RIMS1: variants seen among roughly 807,000 people sequenced by gnomAD.
RIMS1 encodes regulating synaptic membrane exocytosis protein 1.
RIMS1 carries 83 observed loss-of-function variants against 214.1 expected under a neutral mutation model. That is an observed-to-expected ratio of 0.39 (90% CI 0.32 to 0.47). The LOEUF is 0.47. RIMS1 is among the 20% of genes least tolerant of loss of function. The pLI is 0.99. For missense variants in RIMS1, 2,050 were observed against 2,161.8 expected (o/e 0.95, Z 1.03); for synonymous variants, 793 against 786.8 (o/e 1.01, Z -0.13).
chr6:72,392,190 T>C (rs2098713379), intron 30 of RIMS1, among the ~76,000 whole-genome samples: 2 of 152,342 alleles, frequency 1.3e-5, no homozygotes, highest in East Asian at 3.9e-4. Flanking sequence ...GAAATACAGA[T>C]TTTTTAACCA....
At chr6:72,191,418 A>G (rs905697854) in intron 6 of RIMS1, among the ~76,000 whole-genome samples, 5 of 152,224 alleles carry the variant, frequency 3.3e-5, no homozygotes, top group African/African-American at 1.2e-4. Context: ...CCTCTGGCAT[A>G]CAAATGTTTC....
intron 4 of RIMS1, among the ~76,000 whole-genome samples, chr6:72,150,639 G>A (rs2043418594): frequency 6.6e-6 from 1 of 152,216 alleles, no homozygotes; most frequent in South Asian, 2.1e-4. Flanking sequence ...CACCTTACAT[G>A]TGATCTAATG....
At chr6:72,120,022 A>G (rs924898257) in intron 4 of RIMS1, among the ~76,000 whole-genome samples, 1 of 151,858 alleles carries the variant, frequency 6.6e-6, no homozygotes, top group Non-Finnish European at 1.5e-5. Flanking sequence ...CATGATGTAT[A>G]TGGGCCACAT....
chr6:72,327,990 T>A (rs2096536638), intron 28 of RIMS1, among the ~76,000 whole-genome samples: 1 of 151,840 alleles, frequency 6.6e-6, no homozygotes, highest in Non-Finnish European at 1.5e-5. Context: ...CATTCTACTA[T>A]AAAGACACAT....
Position 72,233,817 on chromosome 6 carries a change from C to A in RIMS1, c.1723C>A (p.Arg575=), listed in dbSNP as rs767118962. The A allele has an allele frequency of 1.3e-6, 2 of 1,581,368 alleles. No homozygotes were observed. Among genetic ancestry groups the A allele is most frequent in the South Asian group, 2.3e-5 (2 of 86,598 alleles). ...GTTGGATCCTGCCACGTGGCACAGC[C>A]GGGAGACATCACCTATTAGTTCGGT... The part of the protein sequence containing the change: ...YWLDPATWHS[R]ETSPISSHPV... The change falls in exon 7 of 34, where the codon CGG becomes AGG. Residue 575 remains arginine, a synonymous_variant. Transcript: ENST00000521978.
intron 2 of RIMS1, among the ~76,000 whole-genome samples, chr6:72,014,953 T>G (rs1812195503): frequency 1.3e-5 from 2 of 152,346 alleles, no homozygotes; most frequent in Non-Finnish European, 2.9e-5. Context: ...CTCTTTTTAT[T>G]ATTGTATTAT....
rs191697706 is a variant in RIMS1 at position 72,348,555 on chromosome 6, G to A, written c.4366+14720G>A. ...TAAATATTAACTCTTTTATAAGCAAGAATAAATAATTATCATTTTAAGATT... is the reference window on the plus strand; with the variant it reads ...TAAATATTAACTCTTTTATAAGCAAAAATAAATAATTATCATTTTAAGATT... On this transcript the variant is annotated intron_variant, in intron 29 of 33. Transcript: ENST00000521978. Among the ~76,000 whole-genome samples the A allele has an allele frequency of 6.9e-3, 1,051 of 151,964 alleles. 4 individuals are homozygous for A. The highest frequency in any genetic ancestry group is 0.031 in the Middle Eastern group (9 of 294).
chr6:72,271,286 AATATATATAT>A (rs1222564699), intron 22 of RIMS1, among the ~76,000 whole-genome samples: 799 of 43,592 alleles, frequency 0.018, 13 homozygotes, highest in East Asian at 0.09. Context: ...AAAAAAAAAA[AATATATATAT>A]ATATATATAT....
rs1413372670 is a variant in RIMS1, at chr6:72,313,626, A to G, written c.4084A>G (p.Thr1362Ala). 1.9e-6 allele frequency: 3 copies of G among 1,613,574 alleles called. No individual in the cohort carries two copies. Among genetic ancestry groups the G allele is most frequent in the Non-Finnish European group, 2.5e-6 (3 of 1,179,676 alleles). Reference sequence around the variant, plus strand: ...CAGCAGTGCCTCACGCCTCAGCAGCACAAGCTTTATGTCAGAGCAATCTGA... The same window carrying G: ...CAGCAGTGCCTCACGCCTCAGCAGCGCAAGCTTTATGTCAGAGCAATCTGA... The part of the protein sequence containing the change: ...RTSSASRLSS[T>A]SFMSEQSERP... The change falls in exon 28 of 34, where the codon ACA becomes GCA. Residue 1362 changes from threonine (T) to alanine (A), a missense_variant. By Grantham distance (58) the Thr-to-Ala change is moderately conservative (BLOSUM62 0). Transcript: ENST00000521978.
intron 4 of RIMS1, among the ~76,000 whole-genome samples, chr6:72,101,655 A>G (rs539003808): frequency 6.6e-6 from 1 of 152,070 alleles, no homozygotes; most frequent in African/African-American, 2.4e-5. Flanking sequence ...CTTCATCTTG[A>G]TCAATATAAT....
intron 6 of RIMS1, among the ~76,000 whole-genome samples, chr6:72,183,866 T>C (rs1239665861): frequency 6.6e-6 from 1 of 152,178 alleles, no homozygotes; most frequent in Non-Finnish European, 1.5e-5. Context: ...TGTACATGAA[T>C]CTATTATAAA....
Position 72,182,824 on chromosome 6 carries a change from G to T in RIMS1, c.1353G>T (p.Ala451=), listed in dbSNP as rs753920737. ...AKQLTNHSPP[A]PRHGPVPAEA... ...AGCTAACGAACCACAGCCCGCCGGC[G>T]CCCAGACATGGGCCGGTTCCCGCAG... The change falls in exon 6 of 34, where the codon GCG becomes GCT. Residue 451 remains alanine (A), a synonymous_variant. Coordinates refer to ENST00000521978, the MANE Select transcript of RIMS1 (RefSeq NM_014989.7). 6.4e-7 allele frequency: 1 copy of T among 1,550,514 alleles called. No individual in the cohort carries two copies. The highest frequency in any genetic ancestry group is 1.9e-5 in the Admixed American group (1 of 51,438).
At chr6:71,984,858 A>C (rs1337720207) in intron 2 of RIMS1, among the ~76,000 whole-genome samples, 1 of 151,936 alleles carries the variant, frequency 6.6e-6, no homozygotes, top group African/African-American at 2.4e-5. Flanking sequence ...CTATCCATCT[A>C]TCTATAAGCT....
intron 31 of RIMS1, among the ~76,000 whole-genome samples, 196 bp from the exon 32 acceptor site, chr6:72,398,053 A>C (rs2098799802): frequency 6.6e-6 from 1 of 152,148 alleles, no homozygotes. Flanking sequence ...TACCAGAAAA[A>C]ATAAGAGAAT....
intron 29 of RIMS1, among the ~76,000 whole-genome samples, chr6:72,346,159 T>C (rs1001792704): frequency 6.6e-6 from 1 of 151,762 alleles, no homozygotes; most frequent in African/African-American, 2.4e-5. Flanking sequence ...TTTTAAACAA[T>C]TTAGCAAAGT....
At chr6:71,908,072 G>T (rs2150552974) in intron 1 of RIMS1, among the ~76,000 whole-genome samples, 1 of 152,182 alleles carries the variant, frequency 6.6e-6, no homozygotes, top group East Asian at 1.9e-4. Flanking sequence ...TACCTTTTTG[G>T]ATTCTTGGTT....
chr6:72,256,898 A>G (rs1469209814), intron 16 of RIMS1, among the ~76,000 whole-genome samples: 2 of 152,008 alleles, frequency 1.3e-5, no homozygotes, highest in Admixed American at 6.6e-5. Flanking sequence ...AAATTATACC[A>G]TTTATGAATA....
At chr6:72,095,425 G>A (rs561623176) in intron 2 of RIMS1, among the ~76,000 whole-genome samples, 2 of 152,172 alleles carry the variant, frequency 1.3e-5, no homozygotes, top group East Asian at 1.9e-4. Context: ...ATAACTCTTC[G>A]ATAAATTGAC....
intron 1 of RIMS1, among the ~76,000 whole-genome samples, chr6:71,924,648 A>AAAAAAAAAAAAAAAAAAG (rs1781028673): frequency 1.7e-4 from 26 of 149,698 alleles, no homozygotes; most frequent in African/African-American, 6.0e-4. Flanking sequence ...AAAAAAAAAA[A>AAAAAAAAAAAAAAAAAAG]TGCAGAAAAT....
Sources: allele counts gnomAD v4.1 joint callset (sites outside exome capture counted in the v4.1 genomes callset), GRCh38; gene constraint gnomAD v4.1.1; transcripts MANE v1.5; gene names NCBI Gene and HGNC (gene_info 2026-07-23, HGNC 2026-07-21).